SI: variants seen among roughly 807,000 people sequenced by gnomAD.
The protein encoded by SI is sucrase-isomaltase, intestinal.
In SI, 235 loss-of-function variants were observed where a neutral mutation model predicts 253.3. That is an observed-to-expected ratio of 0.93 (90% CI 0.83 to 1.03). The LOEUF (loss-of-function observed/expected upper bound fraction) is 1.03. SI is among the 50% of genes least tolerant of loss of function. SI has a pLI of 0.00. For missense variants in SI, 2,442 were observed against 2,211.1 expected, an observed-to-expected ratio of 1.10 and a Z score of -2.09; for synonymous variants, 819 against 712.0, an observed-to-expected ratio of 1.15 and a Z score of -2.39.
intron 13 of SI, among the ~76,000 whole-genome samples, chr3:165,052,003 G>A (rs1713457575): frequency 6.6e-6 from 1 of 151,894 alleles, no homozygotes; most frequent in South Asian, 2.1e-4. Context: ...TTAACCTACT[G>A]AGGCAAAATT....
rs73880014 is a variant in SI at position 165,075,860 on chromosome 3, C to G, written c.118+35G>C. On this transcript the variant is annotated intron_variant, in intron 2 of 47. Coordinates refer to ENST00000264382, the MANE Select transcript of SI (RefSeq NM_001041.4). ...GTGGAGTAACTTCCTCCTAACTTCACGATAATGTAGCCATGCTTTTAATGT... is the reference window on the plus strand; with the variant it reads ...GTGGAGTAACTTCCTCCTAACTTCAGGATAATGTAGCCATGCTTTTAATGT... 18 of 1,250,232 alleles carry G rather than the reference C, an allele frequency of 1.4e-5. No individual in the cohort carries two copies. In the South Asian group the frequency reaches 1.9e-4, roughly 13 times the overall value. The allele number at this position is 1,250,232 out of a possible 1,614,324, so 77.4% of individuals were successfully genotyped here.
Position 165,030,711 on chromosome 3 carries a change from C to G in SI, c.2892+1G>C. On this transcript the variant is annotated splice_donor_variant, in intron 25 of 47. Coordinates refer to ENST00000264382, the MANE Select transcript of SI (RefSeq NM_001041.4). LOFTEE classifies it high-confidence loss of function. ...TGAGTAATAGTTAAAATTATTATTACCGTTCTCCATACACAGCCACGTTGT... is the reference window on the plus strand; with the variant it reads ...TGAGTAATAGTTAAAATTATTATTAGCGTTCTCCATACACAGCCACGTTGT... 2 of 1,607,472 alleles carry G rather than the reference C, an allele frequency of 1.2e-6. No individual in the cohort carries two copies. Among genetic ancestry groups the G allele is most frequent in the East Asian group, 4.5e-5 (2 of 44,628 alleles).
rs1352113521 is a variant in SI at position 165,017,538 on chromosome 3, A to G, written c.3759+10T>C. 9.3e-6 allele frequency: 15 copies of G among 1,609,184 alleles called. No individual in the cohort carries two copies. Among genetic ancestry groups the G allele is most frequent in the Non-Finnish European group, 1.3e-5 (15 of 1,176,198 alleles). Reference sequence around the variant, plus strand: ...CATATTTAACATTGTTTTAAAATTGATATACATACATAGGGGATGTTAGCA... The same window carrying G: ...CATATTTAACATTGTTTTAAAATTGGTATACATACATAGGGGATGTTAGCA... On this transcript the variant is annotated intron_variant, in intron 31 of 47. Transcript: ENST00000264382.
intron 1 of SI, among the ~76,000 whole-genome samples, chr3:165,077,405 C>A (rs1438303604): frequency 6.6e-6 from 1 of 151,592 alleles, no homozygotes; most frequent in Admixed American, 6.6e-5. Flanking sequence ...TCGTTACATT[C>A]TTGTTAGCAA....
chr3:165,066,119 A>G, intron 6 of SI, among the ~76,000 whole-genome samples: 1 of 151,996 alleles, frequency 6.6e-6, no homozygotes, highest in East Asian at 1.9e-4. Flanking sequence ...TTTTCTTGTC[A>G]TTCTTCACTA....
the SI span, among the ~76,000 whole-genome samples, chr3:165,086,725 A>G: frequency 6.6e-6 from 1 of 152,220 alleles, no homozygotes; most frequent in Non-Finnish European, 1.5e-5. Context: ...GAAGAACTCA[A>G]AGAGTTACAG....
rs541426525 is a variant in SI, at chr3:165,064,824, C to T, written c.807+437G>A. Among the ~76,000 whole-genome samples the T allele has an allele frequency of 5.3e-5, 8 of 151,896 alleles. No homozygotes were observed. In the South Asian group the frequency reaches 1.2e-3, roughly 24 times the overall value. ...CAAACTGTGCAAAGATTTGAAGTTA[C>T]GGAAAATGACTATATATTATAGAAC... On this transcript the variant is annotated intron_variant, in intron 7 of 47. Coordinates refer to ENST00000264382, the MANE Select transcript of SI (RefSeq NM_001041.4).
chr3:165,000,971 G>A (rs1025785194), intron 37 of SI, among the ~76,000 whole-genome samples: 1 of 150,974 alleles, frequency 6.6e-6, no homozygotes, highest in African/African-American at 2.4e-5. Flanking sequence ...TTATAAAAAA[G>A]TTTTTTATAG....
intron 3 of SI, among the ~76,000 whole-genome samples, chr3:165,072,344 AT>A (rs1714633421): frequency 6.6e-6 from 1 of 151,962 alleles, no homozygotes. Flanking sequence ...GAAAATTAAC[AT>A]TTGAAGTATT....
chr3:165,003,341 T>A (rs1005846630), intron 37 of SI, among the ~76,000 whole-genome samples: 3 of 151,996 alleles, frequency 2.0e-5, no homozygotes, highest in Admixed American at 1.3e-4. Flanking sequence ...CTTTTTAATG[T>A]CTACAGTTTT....
chr3:165,043,117 C>T lies in SI; in HGVS notation c.1946G>A (p.Trp649Ter). 6.2e-7 allele frequency: 1 copy of T among 1,612,720 alleles called. No individual in the cohort carries two copies. The highest frequency in any genetic ancestry group is 8.5e-7 in the Non-Finnish European group (1 of 1,179,238). Reference protein sequence around the residue: ...AETTEELCRRWMQLGAFYPFS... With the variant: ...AETTEELCRR ...TGGATAAAATGCCCCAAGTTGCATC[C>T]ATCTTCTGCAAAGTTCTTCTGTGGT... Residue 649 changes from tryptophan (W) to a stop codon, truncating the protein, a stop_gained, in exon 17 of 48, where the codon TGG becomes TAG. Transcript: ENST00000264382. LOFTEE classifies it high-confidence loss of function.
At chr3:165,038,924 T>A (rs1224091200) in intron 20 of SI, among the ~76,000 whole-genome samples, 154 bp downstream of exon 20, 1 of 152,100 alleles carries the variant, frequency 6.6e-6, no homozygotes, top group Non-Finnish European at 1.5e-5. Context: ...TTTAACACAT[T>A]TTTAAAGTCT....
chr3:165,014,611 T>G (rs1326208934), intron 33 of SI, among the ~76,000 whole-genome samples: 2 of 152,116 alleles, frequency 1.3e-5, no homozygotes, highest in African/African-American at 4.8e-5. Flanking sequence ...ACTATGAGAT[T>G]TTTTTCTTGA....
At chr3:165,076,123 G>A (rs1714958264) in intron 1 of SI, 111 bp from the exon 2 acceptor site, 4 of 728,726 alleles carry the variant, frequency 5.5e-6, no homozygotes, top group Non-Finnish European at 8.2e-6. Context: ...ATAATGCAGA[G>A]TTGAAGACAG....
chr3:165,069,438 A>T (rs1190231887), intron 3 of SI, among the ~76,000 whole-genome samples: 2 of 152,132 alleles, frequency 1.3e-5, no homozygotes, highest in African/African-American at 4.8e-5. Context: ...TCACGTATCT[A>T]TACAAATTTT....
At chr3:165,057,727 T>C (rs1333077988) in intron 12 of SI, among the ~76,000 whole-genome samples, 3 of 151,862 alleles carry the variant, frequency 2.0e-5, no homozygotes, top group Non-Finnish European at 4.4e-5. Context: ...ACTTTTATCT[T>C]AGTAGACTAC....
chr3:165,050,789 A>G (rs1420855636), intron 13 of SI, among the ~76,000 whole-genome samples: 1 of 151,984 alleles, frequency 6.6e-6, no homozygotes, highest in Non-Finnish European at 1.5e-5. Flanking sequence ...GATTTTCTTA[A>G]TTACATTTCC....
At chr3:165,053,029 A>G (rs1175448438) in intron 13 of SI, among the ~76,000 whole-genome samples, 1 of 151,862 alleles carries the variant, frequency 6.6e-6, no homozygotes, top group Non-Finnish European at 1.5e-5. Flanking sequence ...ATATCAAAAT[A>G]TGCATATGTA....
At chr3:165,055,059 G>T (rs1204595789) in intron 13 of SI, 135 bp downstream of exon 13, 3 of 616,792 alleles carry the variant, frequency 4.9e-6, no homozygotes, top group Non-Finnish European at 2.9e-6. Flanking sequence ...ATCCATTCTG[G>T]GAAAAAACAT....
Sources: gnomAD v4.1 joint callset for allele counts (sites outside exome capture counted in the v4.1 genomes callset) on GRCh38, gnomAD v4.1.1 for gene constraint, MANE v1.5 for transcripts, NCBI Gene and HGNC (gene_info 2026-07-23, HGNC 2026-07-21) for gene names.